Variants in ZDHHC15 observed in about 807,000 individuals in gnomAD.
ZDHHC15 encodes the protein zDHHC palmitoyltransferase 15.
ZDHHC15 carries 19 observed loss-of-function variants against 31.7 expected under a neutral mutation model. The ratio of observed to expected loss-of-function variants is 0.60; its 90% CI spans 0.42 to 0.88. ZDHHC15 has a LOEUF of 0.88. ZDHHC15 is among the 40% of genes least tolerant of loss of function. The pLI is 0.00. For synonymous variants in ZDHHC15, 103 were observed against 90.0 expected, an observed-to-expected ratio of 1.14 and a Z score of -0.82; for missense variants, 209 against 251.2, an observed-to-expected ratio of 0.83 and a Z score of 1.14.
chrX:75,388,182 G>T (rs904095653), intron 10 of ZDHHC15, among the ~76,000 whole-genome samples: 32 of 112,303 alleles, frequency 2.8e-4, no homozygotes, highest in African/African-American at 1.0e-3. Context: ...AATCTTACAA[G>T]AAATGGTAAA....
At chrX:75,452,888 T>G (rs1019909346) in intron 3 of ZDHHC15, among the ~76,000 whole-genome samples, 2 of 111,906 alleles carry the variant, frequency 1.8e-5, no homozygotes, top group African/African-American at 6.5e-5. Context: ...AAGCAGTGTG[T>G]AGATGGAAAT....
rs145864371 is a variant in ZDHHC15, at chrX:75,431,455, C to A, written c.445G>T (p.Ala149Ser). 59 of 1,205,983 alleles carry A rather than the reference C, an allele frequency of 4.9e-5. No homozygotes were observed. The African/African-American group carries it at 9.9e-4, about 20-fold the overall frequency. The change falls in exon 5 of 12, where the codon GCT becomes TCT. Residue 149 changes from alanine to serine, a missense_variant. Physicochemically the swap from Ala to Ser is moderately conservative, Grantham distance 99. Coordinates refer to ENST00000373367, the MANE Select transcript of ZDHHC15 (RefSeq NM_144969.3). Reference protein sequence around the residue: ...PDRCHHCSVCAMCVLKMDHHC... With the variant: ...PDRCHHCSVCSMCVLKMDHHC... Reference sequence around the variant, plus strand: ...GGAAATATGGCCGTCACTTACATAGCACAGACAGAGCAGTGGTGGCAGCGG... The same window carrying A: ...GGAAATATGGCCGTCACTTACATAGAACAGACAGAGCAGTGGTGGCAGCGG...
In ZDHHC15 at chrX:75,424,872, G is replaced by A; in HGVS notation, c.604-88C>T. On this transcript the variant is annotated intron_variant, in intron 7 of 11. Coordinates refer to ENST00000373367, the MANE Select transcript of ZDHHC15 (RefSeq NM_144969.3). Reference sequence around the variant, plus strand: ...ATATATAGGTTAGTAGTTTTCACATGTATAAAGTGTCTAGCTGTAATTTAA... The same window carrying A: ...ATATATAGGTTAGTAGTTTTCACATATATAAAGTGTCTAGCTGTAATTTAA... 1.4e-5 allele frequency: 13 copies of A among 940,933 alleles called. No homozygotes were observed. In the South Asian group the frequency reaches 1.6e-4, roughly 12 times the overall value. The allele number at this position is 940,933 out of a possible 1,213,427, so 77.5% of individuals were successfully genotyped here.
chrX:75,428,675 C>G (rs2083742106), intron 7 of ZDHHC15, among the ~76,000 whole-genome samples: 1 of 112,057 alleles, frequency 8.9e-6, no homozygotes, highest in South Asian at 3.6e-4. Flanking sequence ...GAAGTATTTT[C>G]TAACAACAGG....
intron 4 of ZDHHC15, among the ~76,000 whole-genome samples, chrX:75,445,015 T>G (rs776389319): frequency 9.1e-6 from 1 of 109,892 alleles, no homozygotes; most frequent in East Asian, 2.9e-4. Flanking sequence ...CTAGTGCTTA[T>G]ACTTTGGGCT....
At chrX:75,421,590 G>T (rs936100844) in intron 9 of ZDHHC15, among the ~76,000 whole-genome samples, 1 of 97,405 alleles carries the variant, frequency 1.0e-5, no homozygotes, top group African/African-American at 3.8e-5. Context: ...TGGGATGTTG[G>T]GCAAGTAGAT....
intron 3 of ZDHHC15, among the ~76,000 whole-genome samples, chrX:75,474,581 C>CTCTTTATATATATATATAATCCCCTTT (rs1569349290): frequency 1.4e-3 from 12 of 8,310 alleles, no homozygotes; most frequent in Middle Eastern, 0.12. Flanking sequence ...TATACACACA[C>CTCTTTATATATATATATAATCCCCTTT]ACACACACAC....
chrX:75,491,641 G>GA (rs995672267), intron 2 of ZDHHC15, among the ~76,000 whole-genome samples: 14 of 109,314 alleles, frequency 1.3e-4, no homozygotes, highest in Non-Finnish European at 2.5e-4. Context: ...TAAAATAAAA[G>GA]AAAAAAAAGA....
intron 11 of ZDHHC15, among the ~76,000 whole-genome samples, chrX:75,374,214 C>T (rs2083033588): frequency 9.2e-6 from 1 of 109,163 alleles, no homozygotes; most frequent in Non-Finnish European, 1.9e-5. Flanking sequence ...GGGAACATCA[C>T]ACACCGGGGC....
At chrX:75,385,966 G>C (rs757804000) in intron 10 of ZDHHC15, among the ~76,000 whole-genome samples, 3 of 111,772 alleles carry the variant, frequency 2.7e-5, no homozygotes, top group East Asian at 5.6e-4. Context: ...ACAATATATT[G>C]TATTGCCTGA....
chrX:75,444,074 T>C (rs1465157017), intron 4 of ZDHHC15, among the ~76,000 whole-genome samples: 1 of 110,981 alleles, frequency 9.0e-6, no homozygotes, highest in Non-Finnish European at 1.9e-5. Flanking sequence ...TCCTCAGGGA[T>C]CTAGAACTAG....
chrX:75,453,424 G>A (rs1442502477), intron 3 of ZDHHC15, among the ~76,000 whole-genome samples: 2 of 111,331 alleles, frequency 1.8e-5, no homozygotes, highest in African/African-American at 6.5e-5. Flanking sequence ...AAAAAGTCCA[G>A]GACCAGATGG....
intron 2 of ZDHHC15, among the ~76,000 whole-genome samples, chrX:75,502,938 G>C (rs2085108972): frequency 9.0e-6 from 1 of 110,508 alleles, no homozygotes; most frequent in South Asian, 3.8e-4. Flanking sequence ...TGGCACAACA[G>C]GGTGACAACA....
At chrX:75,503,737 T>C (rs1179952359) in intron 2 of ZDHHC15, among the ~76,000 whole-genome samples, 1 of 111,513 alleles carries the variant, frequency 9.0e-6, no homozygotes, top group Non-Finnish European at 1.9e-5. Flanking sequence ...ATTTGTTTCC[T>C]AGGGCTGTGG....
intron 1 of ZDHHC15, among the ~76,000 whole-genome samples, chrX:75,508,970 C>T (rs1032376997): frequency 1.3e-4 from 14 of 111,087 alleles, no homozygotes; most frequent in African/African-American, 3.6e-4. Flanking sequence ...TGTTCATATC[C>T]TTCGCCCACT....
intron 4 of ZDHHC15, among the ~76,000 whole-genome samples, chrX:75,447,379 A>T (rs768463842): frequency 8.9e-6 from 1 of 112,493 alleles, no homozygotes; most frequent in South Asian, 3.7e-4. Flanking sequence ...CACCATCATG[A>T]TATTCCACAC....
intron 10 of ZDHHC15, among the ~76,000 whole-genome samples, chrX:75,383,024 TA>T (rs2083133144): frequency 9.0e-6 from 1 of 111,491 alleles, no homozygotes; most frequent in Non-Finnish European, 1.9e-5. Flanking sequence ...GGAACTAAAA[TA>T]ATTTTCTTTC....
intron 1 of ZDHHC15, among the ~76,000 whole-genome samples, chrX:75,506,358 G>C (rs978388859): frequency 2.7e-5 from 3 of 111,755 alleles, no homozygotes; most frequent in African/African-American, 9.7e-5. Context: ...TAGGGAAAAA[G>C]TCCAGAGAAT....
Position 75,371,279 on chromosome X carries a change from T to A in ZDHHC15, c.*1699A>T, listed in dbSNP as rs2083004117. 8.9e-6 allele frequency: 1 copy of A among 111,930 alleles called. No homozygotes were observed. The allele number at this position is 111,930 out of a possible 1,213,427, so 9.2% of individuals were successfully genotyped here. On this transcript the variant is annotated 3_prime_UTR_variant, in exon 12 of 12. Coordinates refer to ENST00000373367, the MANE Select transcript of ZDHHC15 (RefSeq NM_144969.3). ...GTGTAAGGGGAAATTTTTTTCCATC[T>A]GAATATATAAGAAGATTTCATCTTG...
Sources: allele counts gnomAD v4.1 joint callset (sites outside exome capture counted in the v4.1 genomes callset), GRCh38; gene constraint gnomAD v4.1.1; transcripts MANE v1.5; gene names NCBI Gene and HGNC (gene_info 2026-07-23, HGNC 2026-07-21).